The following NLGN1 variants were observed in gnomAD, a reference collection of about 807,000 sequenced individuals.
The protein encoded by NLGN1 is neuroligin-1.
In NLGN1, 12 loss-of-function variants were observed where a neutral mutation model predicts 65.5. The observed-to-expected ratio is 0.18, with a 90% CI of 0.12 to 0.30. NLGN1 has a LOEUF of 0.30. Among genes scored for constraint, NLGN1 ranks in the 10% least tolerant of loss-of-function variants. The pLI is 1.00. For synonymous variants in NLGN1, 350 were observed against 359.5 expected, an observed-to-expected ratio of 0.97 and a Z score of 0.30; for missense variants, 750 against 1,007.1, an observed-to-expected ratio of 0.74 and a Z score of 3.46.
Position 174,275,546 on chromosome 3 carries a change from AATT to A in NLGN1, c.859+20_859+22del. The A allele has an allele frequency of 6.4e-7, 1 of 1,556,870 alleles. No individual in the cohort carries two copies. The highest frequency in any genetic ancestry group is 8.8e-7 in the Non-Finnish European group (1 of 1,130,542). Reference sequence around the variant, plus strand: ...ACCAAAGGTATTATGCAAGGTTGCAAATTTTGACAATTTTGGTGTCTGCATGCC... The same window carrying A: ...ACCAAAGGTATTATGCAAGGTTGCAATTGACAATTTTGGTGTCTGCATGCC... On this transcript the variant is annotated intron_variant, in intron 5 of 6. Coordinates refer to ENST00000457714, the Ensembl canonical transcript of NLGN1.
intron 4 of NLGN1, among the ~76,000 whole-genome samples, chr3:173,837,569 T>C (rs2150646820): frequency 6.6e-6 from 1 of 152,306 alleles, no homozygotes; most frequent in East Asian, 1.9e-4. Flanking sequence ...TCACCTAAAG[T>C]AGACTCTCTG....
chr3:173,978,695 T>C (rs1718067812), intron 4 of NLGN1, among the ~76,000 whole-genome samples: 1 of 151,682 alleles, frequency 6.6e-6, no homozygotes, highest in South Asian at 2.1e-4. Flanking sequence ...CAAATATTCC[T>C]GAGAATCGAG....
intron 2 of NLGN1, among the ~76,000 whole-genome samples, chr3:173,600,521 G>A (rs1288489623): frequency 2.8e-5 from 3 of 107,754 alleles, no homozygotes; most frequent in African/African-American, 8.6e-5. Flanking sequence ...TTAGCAGGGA[G>A]GAGTTGAGTT....
intron 1 of NLGN1, among the ~76,000 whole-genome samples, chr3:173,428,674 G>A (rs939389173): frequency 2.0e-5 from 3 of 151,932 alleles, no homozygotes; most frequent in Non-Finnish European, 4.4e-5. Context: ...AAAGGTATAA[G>A]TGGTTGATAC....
At chr3:173,558,619 CT>C (rs749210189) in intron 2 of NLGN1, among the ~76,000 whole-genome samples, 8 of 152,050 alleles carry the variant, frequency 5.3e-5, no homozygotes, top group Non-Finnish European at 1.0e-4. Context: ...TTTTTGATGG[CT>C]TTTTAGAGTT....
chr3:173,430,171 A>G (rs1462388912), intron 1 of NLGN1, among the ~76,000 whole-genome samples: 1 of 152,152 alleles, frequency 6.6e-6, no homozygotes, highest in Non-Finnish European at 1.5e-5. Flanking sequence ...CTGGCAGCTT[A>G]GGGGAGGGTG....
At position 173,560,618 on chromosome 3, in the gene NLGN1, G is replaced by A. The variant is rs145394873; in HGVS notation, c.-320-43661G>A. 4.1e-3 allele frequency among the ~76,000 whole-genome samples: 629 copies of A among 151,962 alleles called. 4 individuals carry two copies. Among genetic ancestry groups the A allele is most frequent in the African/African-American group, 0.014 (590 of 41,448 alleles). On this transcript the variant is annotated intron_variant, in intron 2 of 6. Transcript: ENST00000457714. Reference sequence around the variant, plus strand: ...TCGTTTAGTTTTGGACTAGATTCTTGGGTATATTCTAGCATGTTCAAATTT... The same window carrying A: ...TCGTTTAGTTTTGGACTAGATTCTTAGGTATATTCTAGCATGTTCAAATTT...
intron 4 of NLGN1, among the ~76,000 whole-genome samples, chr3:174,147,835 A>G (rs1723628369): frequency 6.6e-6 from 1 of 152,158 alleles, no homozygotes; most frequent in Non-Finnish European, 1.5e-5. Flanking sequence ...GTTTCTTAAT[A>G]TATTTGGAAA....
At chr3:173,829,937 GTGCCC>G in intron 4 of NLGN1, among the ~76,000 whole-genome samples, 1 of 149,296 alleles carries the variant, frequency 6.7e-6, no homozygotes, top group Middle Eastern at 3.5e-3. Flanking sequence ...TGATCCAAAC[GTGCCC>G]TGTTGAGTGG....
At chr3:173,422,146 T>TATAC (rs398063034) in intron 1 of NLGN1, among the ~76,000 whole-genome samples, 26 of 130,234 alleles carry the variant, frequency 2.0e-4, no homozygotes, top group African/African-American at 7.3e-4. Flanking sequence ...ACACTATATA[T>TATAC]ACACACACAC....
At chr3:173,839,430 GT>G (rs536743422) in intron 4 of NLGN1, among the ~76,000 whole-genome samples, 23 of 143,684 alleles carry the variant, frequency 1.6e-4, no homozygotes, top group African/African-American at 1.5e-4. Flanking sequence ...TTGTTTTTTT[GT>G]TTTTTTTTTT....
intron 2 of NLGN1, among the ~76,000 whole-genome samples, chr3:173,473,070 A>T (rs1042898515): frequency 2.6e-5 from 4 of 152,136 alleles, no homozygotes; most frequent in Non-Finnish European, 4.4e-5. Flanking sequence ...AAGTATAAGA[A>T]TTTTTTTGTG....
intron 4 of NLGN1, among the ~76,000 whole-genome samples, chr3:173,865,309 G>A (rs1399320796): frequency 1.3e-5 from 2 of 151,634 alleles, no homozygotes; most frequent in Admixed American, 1.3e-4. Flanking sequence ...TAAAATCATG[G>A]TATATTATTT....
chr3:173,969,790 A>G (rs1029824157), intron 4 of NLGN1, among the ~76,000 whole-genome samples: 4 of 152,102 alleles, frequency 2.6e-5, no homozygotes, highest in Non-Finnish European at 4.4e-5. Context: ...CTACTTTCAT[A>G]CAGAAGGGTG....
intron 4 of NLGN1, among the ~76,000 whole-genome samples, chr3:173,921,586 A>G (rs1365189644): frequency 1.3e-5 from 2 of 152,068 alleles, no homozygotes; most frequent in Admixed American, 1.3e-4. Flanking sequence ...GAGATTATCA[A>G]GATATTTTTC....
At chr3:174,054,797 G>A (rs780030606) in intron 4 of NLGN1, among the ~76,000 whole-genome samples, 5 of 151,896 alleles carry the variant, frequency 3.3e-5, no homozygotes, top group Non-Finnish European at 5.9e-5. Context: ...GCACTTATTC[G>A]CAATGTCCGA....
At chr3:174,117,852 A>G (rs1561083379) in intron 4 of NLGN1, among the ~76,000 whole-genome samples, 1 of 152,212 alleles carries the variant, frequency 6.6e-6, no homozygotes, top group Non-Finnish European at 1.5e-5. Flanking sequence ...TTTATTTTGT[A>G]TGGCCCATTA....
chr3:173,418,245 ATAT>A (rs1425168659), intron 1 of NLGN1, among the ~76,000 whole-genome samples: 8 of 151,494 alleles, frequency 5.3e-5, no homozygotes, highest in Non-Finnish European at 7.4e-5. Context: ...ATACAATGTA[ATAT>A]TATTGTATAC....
At chr3:174,269,969 CTT>C (rs1455164106) in intron 4 of NLGN1, among the ~76,000 whole-genome samples, 5 of 151,606 alleles carry the variant, frequency 3.3e-5, no homozygotes, top group Admixed American at 2.6e-4. Flanking sequence ...TATATCATCT[CTT>C]TGAAGAAATA....
Sources: gnomAD v4.1 joint callset for allele counts (sites outside exome capture counted in the v4.1 genomes callset) on GRCh38, gnomAD v4.1.1 for gene constraint, MANE v1.5 for transcripts, NCBI Gene and HGNC (gene_info 2026-07-23, HGNC 2026-07-21) for gene names.